DOK6: variants seen among roughly 807,000 people sequenced by gnomAD.
DOK6 encodes the protein docking protein 6.
In DOK6, 22 loss-of-function variants were observed where a neutral mutation model predicts 44.0. The ratio of observed to expected loss-of-function variants is 0.50; its 90% CI spans 0.36 to 0.71. The LOEUF is 0.71. Ranked by LOEUF, DOK6 falls within the 30% of genes least tolerant of loss-of-function variation. The pLI is 0.00. For synonymous variants in DOK6, 166 were observed against 145.5 expected (o/e 1.14, Z -1.01); for missense variants, 340 against 416.4 (o/e 0.82, Z 1.60).
intron 1 of DOK6, among the ~76,000 whole-genome samples, chr18:69,549,441 T>C (rs1211665396): frequency 6.6e-6 from 1 of 151,498 alleles, no homozygotes. Flanking sequence ...ATGCATGAGA[T>C]GGGTTGTTGC....
At chr18:69,498,794 C>G (rs1183048079) in intron 1 of DOK6, among the ~76,000 whole-genome samples, 2 of 152,276 alleles carry the variant, frequency 1.3e-5, no homozygotes, top group African/African-American at 4.8e-5. Flanking sequence ...TACAAAGATG[C>G]AACTCCAGTG....
chr18:69,539,873 T>C (rs879450790), intron 1 of DOK6, among the ~76,000 whole-genome samples: 2 of 152,162 alleles, frequency 1.3e-5, no homozygotes, highest in African/African-American at 4.8e-5. Flanking sequence ...CTCTCAGTAC[T>C]ATAAATAAAT....
chr18:69,464,568 G>A (rs1979874922), intron 1 of DOK6, among the ~76,000 whole-genome samples: 1 of 152,228 alleles, frequency 6.6e-6, no homozygotes, highest in Admixed American at 6.5e-5. Context: ...GAGATGTTCA[G>A]TGAAGACTTT....
intron 1 of DOK6, among the ~76,000 whole-genome samples, chr18:69,475,248 A>T (rs1051054434): frequency 2.0e-5 from 3 of 152,218 alleles, no homozygotes; most frequent in Non-Finnish European, 4.4e-5. Context: ...TCTTACTTTC[A>T]CAGAGTAAAG....
chr18:69,780,027 A>G (rs1980213005), intron 7 of DOK6, among the ~76,000 whole-genome samples: 1 of 152,214 alleles, frequency 6.6e-6, no homozygotes. Flanking sequence ...AATTATATAA[A>G]TAATAGAGCA....
At chr18:69,470,365 G>T (rs578110536) in intron 1 of DOK6, among the ~76,000 whole-genome samples, 23 of 152,270 alleles carry the variant, frequency 1.5e-4, no homozygotes, top group African/African-American at 5.5e-4. Context: ...AGCCAAACAG[G>T]AGACCCCTTT....
At chr18:69,601,401 A>G (rs1983870059) in intron 3 of DOK6, among the ~76,000 whole-genome samples, 1 of 152,192 alleles carries the variant, frequency 6.6e-6, no homozygotes, top group Non-Finnish European at 1.5e-5. Context: ...ATATATCGAT[A>G]TTGATCTATT....
rs1359170631 is a variant in DOK6 at position 69,542,210 on chromosome 18, A to G, written c.67-22277A>G. 1.3e-5 allele frequency among the ~76,000 whole-genome samples: 2 copies of G among 151,458 alleles called. 1 individual carries two copies. Among genetic ancestry groups the G allele is most frequent in the Non-Finnish European group, 3.0e-5 (2 of 67,762 alleles). On this transcript the variant is annotated intron_variant, in intron 1 of 7. Coordinates refer to ENST00000382713, the MANE Select transcript of DOK6 (RefSeq NM_152721.6). ...AGAAGAAGAGAAGGATTAAATAGGA[A>G]ACCAACTTAGCAAACTTAACAATAA...
At chr18:69,648,062 G>A (rs180739513) in intron 3 of DOK6, among the ~76,000 whole-genome samples, 60 of 152,202 alleles carry the variant, frequency 3.9e-4, no homozygotes, top group African/African-American at 1.4e-3. Flanking sequence ...TCATCATGAA[G>A]CCTGGCACAT....
chr18:69,402,724 GC>G (rs1347235561), intron 1 of DOK6, among the ~76,000 whole-genome samples: 4 of 152,340 alleles, frequency 2.6e-5, no homozygotes. Context: ...TGACAGCAAC[GC>G]CCCCCTTCCT....
chr18:69,789,141 G>T (rs1480525255), intron 7 of DOK6, among the ~76,000 whole-genome samples: 2 of 152,142 alleles, frequency 1.3e-5, no homozygotes, highest in African/African-American at 4.8e-5. Context: ...AGCAACAATT[G>T]TGAAAATGAT....
chr18:69,612,261 T>G (rs568464014), intron 3 of DOK6, among the ~76,000 whole-genome samples: 11 of 151,570 alleles, frequency 7.3e-5, no homozygotes, highest in African/African-American at 2.7e-4. Context: ...AAAATTGTTT[T>G]CCTTAGGTTT....
intron 1 of DOK6, among the ~76,000 whole-genome samples, chr18:69,450,491 A>G (rs1409933202): frequency 8.8e-6 from 1 of 113,266 alleles, no homozygotes; most frequent in Non-Finnish European, 1.8e-5. Flanking sequence ...ACTCTGCAGG[A>G]TATTATCCAG....
chr18:69,572,445 T>C (rs1345101309), intron 2 of DOK6, among the ~76,000 whole-genome samples: 5 of 152,064 alleles, frequency 3.3e-5, no homozygotes, highest in Non-Finnish European at 7.4e-5. Flanking sequence ...TATTAGGCAT[T>C]CAAACTGAAA....
intron 6 of DOK6, among the ~76,000 whole-genome samples, chr18:69,751,069 G>C (rs893045574): frequency 3.3e-5 from 5 of 152,132 alleles, no homozygotes; most frequent in African/African-American, 1.2e-4. Context: ...ACTCATAAAA[G>C]TAGAAAGTAG....
chr18:69,501,490 T>C (rs1258949384), intron 1 of DOK6, among the ~76,000 whole-genome samples: 1 of 152,188 alleles, frequency 6.6e-6, no homozygotes, highest in Non-Finnish European at 1.5e-5. Context: ...CAGTTCAATA[T>C]CTTTTCTTCT....
intron 7 of DOK6, among the ~76,000 whole-genome samples, chr18:69,799,489 A>G (rs1040197758): frequency 6.6e-6 from 1 of 152,100 alleles, no homozygotes; most frequent in Non-Finnish European, 1.5e-5. Flanking sequence ...AAAAAAGCAT[A>G]AAATGTTTCT....
At chr18:69,737,372 C>A (rs190900704) in intron 5 of DOK6, among the ~76,000 whole-genome samples, 5 of 152,186 alleles carry the variant, frequency 3.3e-5, no homozygotes, top group Admixed American at 2.6e-4. Context: ...TCAGATCTCG[C>A]GAGAACTCGT....
intron 1 of DOK6, among the ~76,000 whole-genome samples, chr18:69,547,196 G>A (rs1982431536): frequency 6.6e-6 from 1 of 151,596 alleles, no homozygotes; most frequent in Admixed American, 6.6e-5. Context: ...TGCCTCCTGT[G>A]TTCAAGCAAT....
Sources: allele counts gnomAD v4.1 joint callset (sites outside exome capture counted in the v4.1 genomes callset), GRCh38; gene constraint gnomAD v4.1.1; transcripts MANE v1.5; gene names NCBI Gene and HGNC (gene_info 2026-07-23, HGNC 2026-07-21).